The following DAB1 variants were observed in gnomAD, a reference collection of about 807,000 sequenced individuals.
The protein encoded by DAB1 is DAB adaptor protein 1.
DAB1 carries 15 observed loss-of-function variants against 64.6 expected under a neutral mutation model. The observed-to-expected ratio is 0.23, with a 90% CI of 0.16 to 0.36. DAB1 has a LOEUF of 0.36. DAB1 is among the 10% of genes least tolerant of loss of function. DAB1 has a pLI of 1.00. For missense variants in DAB1, 596 were observed against 706.7 expected, an observed-to-expected ratio of 0.84 and a Z score of 1.78; for synonymous variants, 235 against 251.9, an observed-to-expected ratio of 0.93 and a Z score of 0.64.
intron 3 of DAB1, among the ~76,000 whole-genome samples, chr1:58,455,358 C>T (rs139893075): frequency 0.016 from 2,405 of 152,350 alleles, 32 homozygotes; most frequent in Non-Finnish European, 0.025. Flanking sequence ...GGGAGGGGTG[C>T]TTCTACGTGG....
chr1:57,787,371 T>A (rs1410940004), intron 6 of DAB1, among the ~76,000 whole-genome samples: 1 of 152,120 alleles, frequency 6.6e-6, no homozygotes, highest in Non-Finnish European at 1.5e-5. Context: ...GACCTGCACG[T>A]ATAGAATCAA....
chr1:58,386,306 T>G (rs1053370400), intron 3 of DAB1, among the ~76,000 whole-genome samples: 8 of 152,176 alleles, frequency 5.3e-5, no homozygotes, highest in African/African-American at 1.9e-4. Context: ...TATGAATAGT[T>G]TGATACGTTC....
chr1:57,386,188 C>G (rs894247265), intron 1 of DAB1, among the ~76,000 whole-genome samples: 2 of 152,016 alleles, frequency 1.3e-5, no homozygotes, highest in African/African-American at 2.4e-5. Flanking sequence ...TGGTATCTAT[C>G]CATTTATTCA....
At chr1:58,476,476 T>G (rs985690539) in intron 3 of DAB1, among the ~76,000 whole-genome samples, 1 of 152,112 alleles carries the variant, frequency 6.6e-6, no homozygotes, top group Non-Finnish European at 1.5e-5. Context: ...CAGAGCCAGT[T>G]AATGTAAAAG....
upstream of DAB1, among the ~76,000 whole-genome samples, chr1:57,888,706 C>T (rs1277933619): frequency 2.0e-5 from 3 of 152,112 alleles, no homozygotes; most frequent in Non-Finnish European, 4.4e-5. Flanking sequence ...AGAAACAAAC[C>T]TATCCTTGTG....
intron 1 of DAB1, chr1:57,867,312 C>G (rs114873910): frequency 6.6e-6 from 1 of 152,046 alleles, no homozygotes; most frequent in Non-Finnish European, 1.5e-5. Context: ...TTAACCCTGG[C>G]GTTTGCCACC....
intron 5 of DAB1, among the ~76,000 whole-genome samples, chr1:57,914,617 G>A (rs1246455803): frequency 6.6e-6 from 1 of 152,072 alleles, no homozygotes; most frequent in Non-Finnish European, 1.5e-5. Context: ...TAGATTAAAA[G>A]TTATTAATGA....
At chr1:58,527,307 T>A (rs919042013) in exon 2 of DAB1, 13 of 872,180 alleles carry the variant, frequency 1.5e-5, no homozygotes, top group Non-Finnish European at 2.6e-5. Flanking sequence ...GGCCTCCAAT[T>A]TTCTGCTGTA....
intron 9 of DAB1, among the ~76,000 whole-genome samples, chr1:57,061,237 G>T (rs1017232862): frequency 6.6e-6 from 1 of 150,700 alleles, no homozygotes; most frequent in Non-Finnish European, 1.5e-5. Context: ...ATGGGGGGGG[G>T]GGGTGGTTTC....
rs938401053 is a variant in DAB1, at chr1:58,468,969, C to G, written n.257+37091G>C. On this transcript the variant is annotated intron_variant and non_coding_transcript_variant, in intron 3 of 20. Coordinates refer to the DAB1 transcript ENST00000485760. ...GAGCAGAGATGAAGCAGAAACATTC[C>G]GCCTGGCTGACCTTCTTTCATTTAT... The G allele has an allele frequency of 1.2e-5, 3 of 244,124 alleles. No individual in the cohort carries two copies. In the South Asian group the frequency reaches 4.4e-4, roughly 36 times the overall value. 15.1% of individuals were successfully genotyped at this position (244,124 alleles called of 1,614,324 possible).
chr1:58,245,064 C>A (rs946308), intron 4 of DAB1, among the ~76,000 whole-genome samples: 85,668 of 151,724 alleles, frequency 0.56, 25,227 homozygotes, highest in Non-Finnish European at 0.66. Flanking sequence ...ACCAAAGTAT[C>A]AAGAGACAGA....
intron 6 of DAB1, among the ~76,000 whole-genome samples, chr1:57,780,875 C>G (rs1446627103): frequency 6.6e-6 from 1 of 151,146 alleles, no homozygotes; most frequent in Non-Finnish European, 1.5e-5. Flanking sequence ...TCCATGCACC[C>G]TCCACCATGC....
At chr1:57,059,107 C>T (rs1189004901) in intron 9 of DAB1, among the ~76,000 whole-genome samples, 1 of 152,196 alleles carries the variant, frequency 6.6e-6, no homozygotes, top group Non-Finnish European at 1.5e-5. Context: ...TTTGCTAGAG[C>T]ACTGCCTGAA....
At chr1:57,071,399 C>T (rs1278809594) in intron 6 of DAB1, 123 bp downstream of exon 6, 3 of 1,197,262 alleles carry the variant, frequency 2.5e-6, no homozygotes, top group East Asian at 4.8e-5. Context: ...GTAATTTACA[C>T]AGGAATCTTT....
intron 5 of DAB1, among the ~76,000 whole-genome samples, chr1:58,146,629 C>G (rs1191126901): frequency 6.6e-6 from 1 of 152,136 alleles, no homozygotes; most frequent in East Asian, 1.9e-4. Context: ...GGCTCTATTT[C>G]ACTTAGCATA....
rs111916844 is a variant in DAB1 at position 58,141,643 on chromosome 1, C to T, written n.387+8868G>A. On this transcript the variant is annotated intron_variant and non_coding_transcript_variant, in intron 5 of 20. Transcript: ENST00000485760. ...CATGATCCAATCACCTCCAACCAGG[C>T]CCCACCTCCAACATTGGGGATTACA... 2.2e-3 allele frequency among the ~76,000 whole-genome samples: 332 copies of T among 152,308 alleles called. 2 individuals carry two copies. The highest frequency in any genetic ancestry group is 7.6e-3 in the African/African-American group (318 of 41,574).
chr1:57,348,022 A>C (rs1175109635), intron 1 of DAB1, among the ~76,000 whole-genome samples: 1 of 152,188 alleles, frequency 6.6e-6, no homozygotes, highest in Non-Finnish European at 1.5e-5. Context: ...GTTCCTTTCT[A>C]GGTGGAATAG....
At chr1:57,334,613 C>T (rs6587767) in intron 1 of DAB1, among the ~76,000 whole-genome samples, 65,530 of 152,048 alleles carry the variant, frequency 0.43, 14,533 homozygotes, top group Non-Finnish European at 0.46. Context: ...GTGAGGAAGG[C>T]GCTATTAATA....
chr1:58,466,150 G>C (rs1645293965), intron 3 of DAB1, among the ~76,000 whole-genome samples: 1 of 152,274 alleles, frequency 6.6e-6, no homozygotes, highest in East Asian at 1.9e-4. Context: ...GGAGGAGCGG[G>C]GCAGGGATAA....
Sources: allele counts gnomAD v4.1 joint callset (sites outside exome capture counted in the v4.1 genomes callset), GRCh38; gene constraint gnomAD v4.1.1; transcripts MANE v1.5; gene names NCBI Gene and HGNC (gene_info 2026-07-23, HGNC 2026-07-21).